GOLPH3L: variants seen among roughly 807,000 people sequenced by gnomAD.
GOLPH3L encodes the protein Golgi phosphoprotein 3-like.
Under a neutral mutation model 30.3 loss-of-function variants are expected in GOLPH3L, and 22 were observed. The observed-to-expected ratio is 0.73, with a 90% CI of 0.52 to 1.04. The LOEUF (loss-of-function observed/expected upper bound fraction) is 1.04. GOLPH3L is among the 50% of genes least tolerant of loss of function. The pLI is 0.00. For synonymous variants in GOLPH3L, 120 were observed against 128.2 expected, an observed-to-expected ratio of 0.94 and a Z score of 0.43; for missense variants, 303 against 345.8, an observed-to-expected ratio of 0.88 and a Z score of 0.98.
intron 2 of GOLPH3L, among the ~76,000 whole-genome samples, chr1:150,674,062 G>GT (rs1175501356): frequency 6.6e-6 from 1 of 151,792 alleles, no homozygotes; most frequent in Non-Finnish European, 1.5e-5. Flanking sequence ...TTGAATCTGA[G>GT]TGACTTATGG....
chr1:150,673,559 C>T (rs1025240224), intron 2 of GOLPH3L, among the ~76,000 whole-genome samples: 8 of 144,328 alleles, frequency 5.5e-5, no homozygotes, highest in African/African-American at 1.8e-4. Flanking sequence ...GTGCAAGACT[C>T]CGTCTCAAAA....
intron 2 of GOLPH3L, among the ~76,000 whole-genome samples, chr1:150,686,488 G>A (rs1004843538): frequency 1.3e-5 from 2 of 152,128 alleles, no homozygotes; most frequent in Non-Finnish European, 2.9e-5. Flanking sequence ...TACAGGCAGT[G>A]AAACACCACG....
intron 4 of GOLPH3L, among the ~76,000 whole-genome samples, chr1:150,653,152 A>C (rs1443773044): frequency 6.6e-6 from 1 of 150,392 alleles, no homozygotes; most frequent in Non-Finnish European, 1.5e-5. Context: ...CAACAACAAC[A>C]AAAAACCCAA....
intron 2 of GOLPH3L, among the ~76,000 whole-genome samples, chr1:150,683,699 CAAAAAAAAAAAAAA>C (rs397981524): frequency 0.03 from 455 of 14,932 alleles, 11 homozygotes; most frequent in African/African-American, 0.082. Flanking sequence ...GACTCTCTCT[CAAAAAAAAAAAAAA>C]AAAAAAAAAA....
chr1:150,667,855 A>C (rs960269194), intron 2 of GOLPH3L, among the ~76,000 whole-genome samples: 38 of 152,058 alleles, frequency 2.5e-4, no homozygotes, highest in African/African-American at 8.9e-4. Context: ...CGGCCTCCCA[A>C]AGTGCTGGGA....
At chr1:150,667,571 C>T (rs1419438840) in intron 2 of GOLPH3L, among the ~76,000 whole-genome samples, 1 of 150,832 alleles carries the variant, frequency 6.6e-6, no homozygotes, top group African/African-American at 2.4e-5. Flanking sequence ...TGGCTATTTA[C>T]TAGTCTTTTC....
intron 2 of GOLPH3L, among the ~76,000 whole-genome samples, chr1:150,684,824 C>T (rs1313146402): frequency 6.6e-6 from 1 of 152,040 alleles, no homozygotes; most frequent in Non-Finnish European, 1.5e-5. Context: ...TGCACTACCA[C>T]GCCCAGCTAA....
intron 2 of GOLPH3L, among the ~76,000 whole-genome samples, chr1:150,686,182 T>G (rs1651082988): frequency 6.6e-6 from 1 of 152,064 alleles, no homozygotes; most frequent in African/African-American, 2.4e-5. Context: ...CAGCATGTCC[T>G]TTTTAAACTG....
intron 2 of GOLPH3L, among the ~76,000 whole-genome samples, chr1:150,685,905 T>C (rs1223679482): frequency 6.9e-6 from 1 of 144,712 alleles, no homozygotes; most frequent in Non-Finnish European, 1.5e-5. Context: ...GACAGAGTCT[T>C]GCTCTGTTGC....
At chr1:150,686,117 C>T (rs1651080942) in intron 2 of GOLPH3L, among the ~76,000 whole-genome samples, 1 of 127,832 alleles carries the variant, frequency 7.8e-6, no homozygotes, top group Non-Finnish European at 1.8e-5. Flanking sequence ...TCATGATCTG[C>T]CTGCCTTGGC....
At chr1:150,656,372 C>T (rs185598401) in intron 4 of GOLPH3L, among the ~76,000 whole-genome samples, 149 of 152,276 alleles carry the variant, frequency 9.8e-4, no homozygotes, top group African/African-American at 3.6e-3. Flanking sequence ...TGGATACGAC[C>T]TGCTCTAGGC....
chr1:150,660,690 A>G (rs1377748217), intron 4 of GOLPH3L, among the ~76,000 whole-genome samples: 1 of 152,226 alleles, frequency 6.6e-6, no homozygotes, highest in East Asian at 1.9e-4. Flanking sequence ...AAGTAATGAC[A>G]GATATTGTAT....
intron 4 of GOLPH3L, among the ~76,000 whole-genome samples, chr1:150,651,281 C>A (rs1359460202): frequency 1.3e-5 from 2 of 151,972 alleles, no homozygotes; most frequent in Non-Finnish European, 2.9e-5. Flanking sequence ...CCACTGCACT[C>A]CAGCCTGGGC....
At chr1:150,671,175 G>A (rs1461703623) in intron 2 of GOLPH3L, among the ~76,000 whole-genome samples, 1 of 151,970 alleles carries the variant, frequency 6.6e-6, no homozygotes, top group East Asian at 1.9e-4. Context: ...CCAGGAGGCA[G>A]AGGCTGCAGG....
intron 2 of GOLPH3L, among the ~76,000 whole-genome samples, chr1:150,665,205 T>C (rs1650469479): frequency 6.6e-6 from 1 of 152,138 alleles, no homozygotes; most frequent in African/African-American, 2.4e-5. Context: ...ATGAGAAAAC[T>C]AAGGCTTACA....
intron 3 of GOLPH3L, 28 bp downstream of exon 3, chr1:150,663,604 C>T (rs1650423362): frequency 6.3e-7 from 1 of 1,588,224 alleles, no homozygotes; most frequent in East Asian, 2.3e-5. Context: ...TTTCCATAAG[C>T]CATGGACGTT....
intron 2 of GOLPH3L, among the ~76,000 whole-genome samples, chr1:150,677,998 A>C (rs888578851): frequency 6.6e-6 from 1 of 151,644 alleles, no homozygotes. Context: ...GGAAAAAAAA[A>C]TTTTTTTAAA....
chr1:150,678,097 C>T (rs190310344), intron 2 of GOLPH3L, among the ~76,000 whole-genome samples: 5 of 150,926 alleles, frequency 3.3e-5, no homozygotes, highest in African/African-American at 4.9e-5. Context: ...GTCAGGAGTT[C>T]GAGACCAGCC....
chr1:150,649,825 A>G (rs1338911729), intron 4 of GOLPH3L, among the ~76,000 whole-genome samples: 1 of 152,010 alleles, frequency 6.6e-6, no homozygotes, highest in Non-Finnish European at 1.5e-5. Context: ...ACTCCTAGAA[A>G]GCTAAGCTTA....
Sources: gnomAD v4.1 joint callset for allele counts (sites outside exome capture counted in the v4.1 genomes callset) on GRCh38, gnomAD v4.1.1 for gene constraint, MANE v1.5 for transcripts, NCBI Gene and HGNC (gene_info 2026-07-23, HGNC 2026-07-21) for gene names.